Variants in SP110 observed in about 807,000 individuals in gnomAD.
SP110 encodes SP110 nuclear body protein.
A neutral mutation model predicts 92.7 loss-of-function variants in SP110; 62 were observed. The ratio of observed to expected loss-of-function variants is 0.67; its 90% CI spans 0.55 to 0.83. SP110 has a LOEUF of 0.83. Among genes scored for constraint, SP110 ranks in the 40% least tolerant of loss-of-function variants. SP110 has a pLI of 0.00. For synonymous variants in SP110, 273 were observed against 305.3 expected (o/e 0.89, Z 1.10); for missense variants, 793 against 863.9 (o/e 0.92, Z 1.03).
intron 10 of SP110, among the ~76,000 whole-genome samples, chr2:230,200,212 G>C (rs41345344): frequency 0.15 from 22,939 of 152,164 alleles, 2,131 homozygotes; most frequent in South Asian, 0.27. Context: ...TTTGTCATGT[G>C]AGAGTTCTGT....
chr2:230,169,152 T>C lies in SP110; in HGVS notation c.2114A>G (p.Asn705Ser), dbSNP rs147011203. The C allele has an allele frequency of 1.1e-5, 17 of 1,613,676 alleles. No homozygotes were observed. Among genetic ancestry groups the C allele is most frequent in the Non-Finnish European group, 1.4e-5 (16 of 1,179,604 alleles). Residue 705 changes from asparagine (N) to serine (S), a missense_variant, in exon 19 of 19, where the codon AAT becomes AGT. By Grantham distance (46) the Asn-to-Ser change is conservative. Coordinates refer to ENST00000258381, the MANE Select transcript of SP110 (RefSeq NM_080424.4). Reference sequence around the variant, plus strand: ...AGGAAGAGTCCAGAAACCGCCGTCATTGGCTTCATGAAAACCGAGCACGTC... The same window carrying C: ...AGGAAGAGTCCAGAAACCGCCGTCACTGGCTTCATGAAAACCGAGCACGTC... ...LKDVLGFHEANDGGFWTLP is the reference protein window; with the variant it reads ...LKDVLGFHEASDGGFWTLP
intron 10 of SP110, among the ~76,000 whole-genome samples, chr2:230,197,004 C>G (rs867408728): frequency 2.0e-5 from 3 of 150,818 alleles, no homozygotes; most frequent in Non-Finnish European, 3.0e-5. Flanking sequence ...AATAAACATA[C>G]GTGTGCATGT....
intron 12 of SP110, among the ~76,000 whole-genome samples, chr2:230,180,909 AG>A (rs1439394976): frequency 6.6e-6 from 1 of 152,222 alleles, no homozygotes; most frequent in Non-Finnish European, 1.5e-5. Context: ...TGGAACACAT[AG>A]GTTGATTTTA....
In SP110 at chr2:230,186,232, C is replaced by G. The variant is rs1574626954; in HGVS notation, c.1130-89G>C. On this transcript the variant is annotated intron_variant, in intron 10 of 18. Coordinates refer to ENST00000258381, the MANE Select transcript of SP110 (RefSeq NM_080424.4). ...TTTCAGGAGTTATCTTGCCATTTCTCTATAATTCTCTCTTTTCTTGTGTGT... is the reference window on the plus strand; with the variant it reads ...TTTCAGGAGTTATCTTGCCATTTCTGTATAATTCTCTCTTTTCTTGTGTGT... 9.0e-6 allele frequency: 11 copies of G among 1,220,634 alleles called. No individual in the cohort carries two copies. The East Asian group carries it at 2.4e-4, about 27-fold the overall frequency. The allele number at this position is 1,220,634 out of a possible 1,614,324, so 75.6% of individuals were successfully genotyped here.
rs146212079 is a variant in SP110, at chr2:230,185,566, C to G, written c.1279+428G>C. 8.0e-4 allele frequency among the ~76,000 whole-genome samples: 122 copies of G among 152,198 alleles called. 1 individual carries two copies. The East Asian group carries it at 0.018, about 22-fold the overall frequency. ...TAGGCAATTTGACAACAAATATGTC[C>G]TAACTTAAAAATGCAGACTTGACCA... On this transcript the variant is annotated intron_variant, in intron 11 of 18. Transcript: ENST00000258381.
intron 10 of SP110, among the ~76,000 whole-genome samples, chr2:230,198,258 T>C (rs2148832761): frequency 6.6e-6 from 1 of 152,282 alleles, no homozygotes; most frequent in East Asian, 1.9e-4. Context: ...AATGGGCTCT[T>C]ACATGCTGTG....
chr2:230,179,485 G>A (rs1365294541), intron 12 of SP110, among the ~76,000 whole-genome samples: 2 of 148,522 alleles, frequency 1.3e-5, no homozygotes, highest in Non-Finnish European at 3.0e-5. Context: ...CCAGACTGGG[G>A]GGCAGGGAGG....
At chr2:230,176,597 A>G (rs2041868044) in intron 14 of SP110, 11 of 1,612,840 alleles carry the variant, frequency 6.8e-6, no homozygotes, top group African/African-American at 1.3e-5. Flanking sequence ...TTGGAAACTC[A>G]GAAGCTCTAA....
At chr2:230,218,090 T>C (rs542570498) in intron 1 of SP110, among the ~76,000 whole-genome samples, 1 of 152,324 alleles carries the variant, frequency 6.6e-6, no homozygotes, top group East Asian at 1.9e-4. Flanking sequence ...TAGGTTATAA[T>C]GGGAAGAAAG....
rs1309315455 is a variant in SP110 at position 230,177,544 on chromosome 2, C to T, written c.1584G>A (p.Leu528=). The change falls in exon 14 of 19, where the codon CTG becomes CTA. Residue 528 remains leucine, a synonymous_variant. Coordinates refer to ENST00000258381, the MANE Select transcript of SP110 (RefSeq NM_080424.4). ...TGTCCCGTCATTATAATACCTTCAG[C>T]AGCTCTCCTAGGGTCATTCCTTCAC... is the stretch of plus-strand genomic sequence containing the variant. The part of the protein sequence containing the change: ...IRCEGMTLGE[L]LKRKNSDECE... The T allele has an allele frequency of 6.2e-7, 1 of 1,614,104 alleles. No homozygotes were observed. The highest frequency in any genetic ancestry group is 8.5e-7 in the Non-Finnish European group (1 of 1,179,910).
In SP110 at chr2:230,211,601, G is replaced by A; in HGVS notation, c.668-48C>T. On this transcript the variant is annotated intron_variant, in intron 5 of 18. Coordinates refer to ENST00000258381, the MANE Select transcript of SP110 (RefSeq NM_080424.4). This position sits in a 1 kb window ranked among gnomAD's most constrained non-coding sequence, Gnocchi z 4.2. ...TTAGATCTCAGGAACAGCAAGCAGG[G>A]ACCAGAATGAGGAGAAAAGAGAATG... 9.0e-7 allele frequency: 1 copy of A among 1,110,954 alleles called. No individual in the cohort carries two copies. Among genetic ancestry groups the A allele is most frequent in the South Asian group, 1.2e-5 (1 of 80,876 alleles). The allele number at this position is 1,110,954 out of a possible 1,614,324, so 68.8% of individuals were successfully genotyped here.
At chr2:230,220,813 G>A (rs981935503), upstream of SP110, among the ~76,000 whole-genome samples, 1 of 152,082 alleles carries the variant, frequency 6.6e-6, no homozygotes, top group Non-Finnish European at 1.5e-5. Flanking sequence ...AGACCAGTCT[G>A]GGCAACATAG....
At chr2:230,198,640 G>T (rs2042986493) in intron 10 of SP110, among the ~76,000 whole-genome samples, 1 of 152,074 alleles carries the variant, frequency 6.6e-6, no homozygotes, top group South Asian at 2.1e-4. Flanking sequence ...TGTTGCCCAG[G>T]CTGGAGTGCA....
At chr2:230,219,634 A>G (rs2045612565) in intron 1 of SP110, 4 of 152,216 alleles carry the variant, frequency 2.6e-5, no homozygotes, top group Non-Finnish European at 4.4e-5. Context: ...GTGAGGGTAG[A>G]GGGCAAATCT....
intron 12 of SP110, among the ~76,000 whole-genome samples, chr2:230,179,226 G>C (rs1297042675): frequency 6.6e-6 from 1 of 152,328 alleles, no homozygotes; most frequent in Middle Eastern, 3.4e-3. Flanking sequence ...GACTGAGAGA[G>C]GAGGGACCCT....
At position 230,183,600 on chromosome 2, in the gene SP110, C is replaced by G; in HGVS notation, c.1320G>C (p.Arg440Ser). The change falls in exon 12 of 19, where the codon AGG (arginine) becomes AGC (serine). Residue 440 changes from arginine to serine, a missense_variant. Physicochemically the swap from Arg to Ser is moderately radical, Grantham distance 110. Transcript: ENST00000258381. Reference sequence around the variant, plus strand: ...TTCGGTGAATATTTTTCTGAAATCTCCTTTTTGAGCTTGAACAGATATCTT... The same window carrying G: ...TTCGGTGAATATTTTTCTGAAATCTGCTTTTTGAGCTTGAACAGATATCTT... ...KEKDICSSSK[R>S]RFQKNIHRRG... The G allele has an allele frequency of 6.2e-7, 1 of 1,608,990 alleles. No individual in the cohort carries two copies. Among genetic ancestry groups the G allele is most frequent in the Non-Finnish European group, 8.5e-7 (1 of 1,175,288 alleles).
At chr2:230,181,058 T>A (rs1346716994) in intron 12 of SP110, among the ~76,000 whole-genome samples, 2 of 152,234 alleles carry the variant, frequency 1.3e-5, no homozygotes, top group African/African-American at 4.8e-5. Flanking sequence ...TATATGGTTA[T>A]CAGGACCACT....
chr2:230,221,886 A>G (rs1280997148), upstream of SP110: 14 of 665,796 alleles, frequency 2.1e-5, no homozygotes, highest in Non-Finnish European at 3.7e-5. Flanking sequence ...TTGTTACATG[A>G]AAAAAAGACA....
chr2:230,171,820 G>T, intron 16 of SP110, 53 bp from the exon 17 acceptor site: 1 of 1,390,488 alleles, frequency 7.2e-7, no homozygotes, highest in Non-Finnish European at 1.0e-6. Flanking sequence ...AAACAGTGAA[G>T]CCAGGCGAGT....
Sources: gnomAD v4.1 joint callset for allele counts (sites outside exome capture counted in the v4.1 genomes callset) on GRCh38, gnomAD v4.1.1 for gene constraint, Gnocchi (gnomAD v3.1) non-coding constraint, MANE v1.5 for transcripts, NCBI Gene and HGNC (gene_info 2026-07-23, HGNC 2026-07-21) for gene names.